Variants in DDR2 observed in about 807,000 individuals in gnomAD.
DDR2 encodes the protein discoidin domain-containing receptor 2.
DDR2 carries 27 observed loss-of-function variants against 94.9 expected under a neutral mutation model. The observed-to-expected ratio is 0.28, with a 90% CI of 0.21 to 0.39. The LOEUF (loss-of-function observed/expected upper bound fraction) is 0.39, where lower values mean the gene tolerates loss of function less well. DDR2 is among the 10% of genes least tolerant of loss of function. The pLI, the probability that DDR2 is intolerant of heterozygous loss-of-function variation, is 1.00. For synonymous variants in DDR2, 382 were observed against 377.2 expected (o/e 1.01, Z -0.15); for missense variants, 783 against 1,076.0 (o/e 0.73, Z 3.81).
chr1:162,680,264 G>T (rs1443825177), intron 2 of DDR2, among the ~76,000 whole-genome samples: 1 of 152,106 alleles, frequency 6.6e-6, no homozygotes, highest in Non-Finnish European at 1.5e-5. Flanking sequence ...TATGGTTTTA[G>T]GTTTTACATT....
chr1:162,767,807 G>GGT lies in DDR2; in HGVS notation c.1293+473_1293+474dup, dbSNP rs145645107. Among the ~76,000 whole-genome samples the GGT allele has an allele frequency of 2.4e-3, 354 of 149,554 alleles. 3 individuals carry two copies. Among genetic ancestry groups the GGT allele is most frequent in the African/African-American group, 8.1e-3 (332 of 40,784 alleles). On this transcript the variant is annotated intron_variant, in intron 11 of 17. Coordinates refer to ENST00000367921, the MANE Select transcript of DDR2 (RefSeq NM_006182.4). ...TCTTTTTCACTTTGCTTGTCTGTTT[G>GGT]GTGTGTGTGTGTGTGTGTGTGTGTG...
At chr1:162,732,894 G>A (rs1237675938) in intron 3 of DDR2, among the ~76,000 whole-genome samples, 1 of 152,248 alleles carries the variant, frequency 6.6e-6, no homozygotes, top group Non-Finnish European at 1.5e-5. Flanking sequence ...TTGGGAAGCT[G>A]GGGACTGGTG....
chr1:162,644,787 G>T (rs1423345678), intron 1 of DDR2, among the ~76,000 whole-genome samples: 1 of 151,980 alleles, frequency 6.6e-6, no homozygotes, highest in Non-Finnish European at 1.5e-5. Flanking sequence ...GCAGACAGGG[G>T]GTTTCACTCT....
intron 2 of DDR2, among the ~76,000 whole-genome samples, chr1:162,706,223 C>T (rs2102005233): frequency 6.6e-6 from 1 of 152,292 alleles, no homozygotes; most frequent in South Asian, 2.1e-4. Flanking sequence ...GCCCTCAGGC[C>T]ATCCACTCAT....
chr1:162,776,046 C>T, intron 15 of DDR2, 90 bp from the exon 16 acceptor site: 3 of 1,359,380 alleles, frequency 2.2e-6, no homozygotes, highest in South Asian at 1.2e-5. Flanking sequence ...AGCTTTCAAC[C>T]CTAGTTTGTT....
chr1:162,656,604 T>G (rs1223641466), intron 2 of DDR2, among the ~76,000 whole-genome samples: 1 of 151,926 alleles, frequency 6.6e-6, no homozygotes, highest in Non-Finnish European at 1.5e-5. Context: ...CTTCCTCTTT[T>G]CCTTCCTTAT....
intron 2 of DDR2, among the ~76,000 whole-genome samples, chr1:162,677,234 G>T (rs942572622): frequency 6.6e-6 from 1 of 152,196 alleles, no homozygotes; most frequent in South Asian, 2.1e-4. Context: ...CCTCCCTAAG[G>T]GTCCGGGCAG....
At chr1:162,709,535 T>C (rs1450379117) in intron 2 of DDR2, among the ~76,000 whole-genome samples, 1 of 152,088 alleles carries the variant, frequency 6.6e-6, no homozygotes, top group African/African-American at 2.4e-5. Context: ...TCCCTTCAGG[T>C]TTTTACCGTA....
Position 162,694,645 on chromosome 1 carries a change from C to A in DDR2, c.-27-24392C>A, listed in dbSNP as rs557240767. 8.5e-5 allele frequency among the ~76,000 whole-genome samples: 13 copies of A among 152,118 alleles called. No homozygotes were observed. In the South Asian group the frequency reaches 2.5e-3, roughly 29 times the overall value. On this transcript the variant is annotated intron_variant, in intron 2 of 17. Transcript: ENST00000367921. ...ACACATGTGGGAAGTAACTATGTTA[C>A]TTATTCATAGTGCTTAGCAAAGTTT...
chr1:162,647,536 G>T (rs933210646), intron 1 of DDR2, among the ~76,000 whole-genome samples: 3 of 152,170 alleles, frequency 2.0e-5, no homozygotes, highest in Non-Finnish European at 2.9e-5. Flanking sequence ...GCAGAGCAGT[G>T]GCATGAGCTG....
intron 2 of DDR2, 102 bp from the exon 3 acceptor site, chr1:162,718,935 A>G: frequency 8.0e-7 from 1 of 1,250,106 alleles, no homozygotes; most frequent in East Asian, 2.4e-5. Context: ...GCAGGAACAC[A>G]AAATTAATTG....
chr1:162,742,928 G>A (rs1054712819), intron 3 of DDR2, among the ~76,000 whole-genome samples: 2 of 152,108 alleles, frequency 1.3e-5, no homozygotes, highest in Non-Finnish European at 2.9e-5. Flanking sequence ...TACAAGGATA[G>A]CACGGGAAAG....
intron 6 of DDR2, 125 bp downstream of exon 6, chr1:162,755,428 G>A: frequency 7.6e-7 from 1 of 1,313,186 alleles, no homozygotes; most frequent in African/African-American, 1.5e-5. Flanking sequence ...CTCTTGGGAA[G>A]AATAGAGACA....
chr1:162,757,985 C>A (rs569282648), intron 7 of DDR2, among the ~76,000 whole-genome samples: 1 of 151,980 alleles, frequency 6.6e-6, no homozygotes, highest in East Asian at 1.9e-4. Flanking sequence ...GCTTACCTTG[C>A]GCCAAGCATT....
intron 7 of DDR2, among the ~76,000 whole-genome samples, chr1:162,757,980 C>T (rs1663539215): frequency 6.6e-6 from 1 of 152,056 alleles, no homozygotes; most frequent in African/African-American, 2.4e-5. Context: ...TGAGTGCTTA[C>T]CTTGCGCCAA....
At chr1:162,749,145 T>C (rs1008206300) in intron 3 of DDR2, among the ~76,000 whole-genome samples, 1 of 151,698 alleles carries the variant, frequency 6.6e-6, no homozygotes, top group Admixed American at 6.6e-5. Flanking sequence ...AGGCAAGAAA[T>C]AACTAAGATC....
chr1:162,638,464 C>T (rs1656951822), intron 1 of DDR2, among the ~76,000 whole-genome samples: 1 of 152,122 alleles, frequency 6.6e-6, no homozygotes, highest in South Asian at 2.1e-4. Context: ...TGGAGAAGTG[C>T]GTGCAAGTGT....
At chr1:162,689,898 C>A (rs890557244) in intron 2 of DDR2, among the ~76,000 whole-genome samples, 5 of 144,792 alleles carry the variant, frequency 3.5e-5, no homozygotes, top group Admixed American at 2.1e-4. Flanking sequence ...TGCCTGTAAC[C>A]CTAGCTGCTT....
intron 3 of DDR2, among the ~76,000 whole-genome samples, chr1:162,735,965 C>T (rs1013794407): frequency 6.6e-6 from 1 of 152,180 alleles, no homozygotes; most frequent in Non-Finnish European, 1.5e-5. Flanking sequence ...CATTCATGGC[C>T]TAGTGTTTAG....
Sources: allele counts gnomAD v4.1 joint callset (sites outside exome capture counted in the v4.1 genomes callset), GRCh38; gene constraint gnomAD v4.1.1; transcripts MANE v1.5; gene names NCBI Gene and HGNC (gene_info 2026-07-23, HGNC 2026-07-21).